The following SCNN1A variants were observed in gnomAD, a reference collection of about 807,000 sequenced individuals.
SCNN1A encodes the protein epithelial sodium channel subunit alpha.
Under a neutral mutation model 68.6 loss-of-function variants are expected in SCNN1A, and 65 were observed. The observed-to-expected ratio is 0.95, with a 90% CI of 0.78 to 1.16. SCNN1A has a LOEUF of 1.16. Among genes scored for constraint, SCNN1A ranks in the 50% most tolerant of loss-of-function variants. The pLI, the probability that SCNN1A is intolerant of heterozygous loss-of-function variation, is 0.00. For synonymous variants in SCNN1A, 357 were observed against 353.3 expected (o/e 1.01, Z -0.12); for missense variants, 880 against 865.9 (o/e 1.02, Z -0.20).
At chr12:6,376,254 C>A, upstream of SCNN1A, 1 of 912,804 alleles carries the variant, frequency 1.1e-6, no homozygotes, top group Non-Finnish European at 1.3e-6. Context: ...TTCCTCGCCA[C>A]CCCCTCCAAC....
chr12:6,356,720 G>A (rs530355708), intron 4 of SCNN1A, among the ~76,000 whole-genome samples: 1 of 152,294 alleles, frequency 6.6e-6, no homozygotes, highest in South Asian at 2.1e-4. Flanking sequence ...GGCTGTGTGG[G>A]TTGTAGCACA....
At chr12:6,349,246 T>C (rs779322908) in intron 9 of SCNN1A, 25 bp from the exon 10 acceptor site, 3 of 1,613,970 alleles carry the variant, frequency 1.9e-6, no homozygotes, top group African/African-American at 1.3e-5. Context: ...AGGTGCTCAG[T>C]GTTGGGGCAG....
rs1261370822 is a variant in SCNN1A, at chr12:6,355,765, G to A, written c.979+12C>T. On this transcript the variant is annotated intron_variant, in intron 5 of 12. Transcript: ENST00000228916. ...GCAGAGGGCGCCATGGAGCAAGCAG[G>A]GAGCTTCTCACCGTTGTTGATTCCA... 3 of 1,571,890 alleles carry A rather than the reference G, an allele frequency of 1.9e-6. No individual in the cohort carries two copies. Among genetic ancestry groups the A allele is most frequent in the Admixed American group, 1.7e-5 (1 of 59,970 alleles).
intron 1 of SCNN1A, 34 bp downstream of exon 1, chr12:6,375,471 T>A (rs1192935338): frequency 3.6e-5 from 55 of 1,535,374 alleles, no homozygotes; most frequent in Non-Finnish European, 4.6e-5. Context: ...CCTTTCCAGT[T>A]GAATCTGGCA....
intron 8 of SCNN1A, among the ~76,000 whole-genome samples, chr12:6,350,941 T>C (rs1333014608): frequency 6.6e-6 from 1 of 152,232 alleles, no homozygotes; most frequent in Non-Finnish European, 1.5e-5. Context: ...ATACTGCTGC[T>C]AGGGATGTAC....
intron 2 of SCNN1A, among the ~76,000 whole-genome samples, chr12:6,369,419 C>T (rs1290231099): frequency 6.6e-6 from 1 of 152,166 alleles, no homozygotes. Context: ...ACAGCCTGGG[C>T]TCCCAGCCCT....
chr12:6,355,233 T>C, intron 6 of SCNN1A, 39 bp downstream of exon 6: 1 of 1,598,966 alleles, frequency 6.3e-7, no homozygotes, highest in Non-Finnish European at 8.5e-7. Flanking sequence ...CTCTGCAATC[T>C]GAGGCGCTCC....
intron 5 of SCNN1A, 146 bp from the exon 6 acceptor site, chr12:6,355,581 C>A: frequency 9.3e-7 from 1 of 1,071,938 alleles, no homozygotes; most frequent in South Asian, 1.4e-5. Flanking sequence ...ACCTGGCAAC[C>A]CCTGAGCTGG....
rs763151595 is a variant in SCNN1A at position 6,374,475 on chromosome 12, G to A, written c.309C>T (p.Gly103=). 1.2e-6 allele frequency: 2 copies of A among 1,614,242 alleles called. No homozygotes were observed. The highest frequency in any genetic ancestry group is 1.7e-6 in the Non-Finnish European group (2 of 1,180,038). Residue 103 remains glycine, a synonymous_variant, in exon 2 of 13, where the codon GGC becomes GGT. Transcript: ENST00000228916. The surrounding 1 kb of genome is among the most constrained non-coding windows in gnomAD (Gnocchi z 6.2). The part of the protein sequence containing the change: ...CTFGMMYWQF[G]LLFGEYFSYP... Reference sequence around the variant, plus strand: ...AGCTGAAGTACTCTCCGAAAAGCAGGCCGAATTGCCAGTACATCATGCCAA... The same window carrying A: ...AGCTGAAGTACTCTCCGAAAAGCAGACCGAATTGCCAGTACATCATGCCAA...
At chr12:6,373,654 T>C (rs72645123) in intron 2 of SCNN1A, among the ~76,000 whole-genome samples, 5 of 152,298 alleles carry the variant, frequency 3.3e-5, no homozygotes, top group African/African-American at 1.2e-4. Flanking sequence ...AGAGCACCGA[T>C]GAAACCCAAA....
rs1948393485 is a variant in SCNN1A, at chr12:6,351,836, T to C, written c.1361-2431A>G. Among the ~76,000 whole-genome samples the C allele has an allele frequency of 6.6e-6, 1 of 152,068 alleles. No homozygotes were observed. Among genetic ancestry groups the C allele is most frequent in the African/African-American group, 2.4e-5 (1 of 41,432 alleles). On this transcript the variant is annotated intron_variant, in intron 8 of 12. Transcript: ENST00000228916. This position sits in a 1 kb window ranked among gnomAD's most constrained non-coding sequence, Gnocchi z 4.2. ...GTGCAGTGGCCTGATCATGGCTCAC[T>C]GCAGCCTTGACCTCCTGGGCTCAGG... is the stretch of plus-strand genomic sequence containing the variant.
At chr12:6,373,386 A>G (rs758051210) in intron 2 of SCNN1A, among the ~76,000 whole-genome samples, 39 of 152,304 alleles carry the variant, frequency 2.6e-4, no homozygotes, top group Non-Finnish European at 4.6e-4. Context: ...TTACTGGCTT[A>G]TATGCCTGTC....
upstream of SCNN1A, chr12:6,377,274 C>A: frequency 1.3e-6 from 2 of 1,550,736 alleles, no homozygotes; most frequent in South Asian, 2.4e-5. Context: ...CATGATACCT[C>A]CCCTTGGAAG....
At chr12:6,367,313 G>T (rs1948697113) in intron 2 of SCNN1A, among the ~76,000 whole-genome samples, 1 of 152,212 alleles carries the variant, frequency 6.6e-6, no homozygotes, top group Non-Finnish European at 1.5e-5. Flanking sequence ...TATGGTATTA[G>T]AATGTGCATT....
intron 2 of SCNN1A, among the ~76,000 whole-genome samples, chr12:6,371,267 C>T (rs1948784568): frequency 6.6e-6 from 1 of 151,816 alleles, no homozygotes; most frequent in Non-Finnish European, 1.5e-5. Flanking sequence ...CACAGGGGCT[C>T]ATTAACCTGT....
At chr12:6,367,999 G>A (rs1191371335) in intron 2 of SCNN1A, among the ~76,000 whole-genome samples, 2 of 152,188 alleles carry the variant, frequency 1.3e-5, no homozygotes, top group African/African-American at 4.8e-5. Context: ...TGTAGCTCTG[G>A]TTGAAGGTGT....
At chr12:6,365,494 G>T (rs535083324) in intron 2 of SCNN1A, among the ~76,000 whole-genome samples, 10 of 152,314 alleles carry the variant, frequency 6.6e-5, no homozygotes, top group South Asian at 4.1e-4. Context: ...GCGGTTCTTG[G>T]TAAGGAGAGA....
At chr12:6,367,934 T>G (rs1249924380) in intron 2 of SCNN1A, among the ~76,000 whole-genome samples, 2 of 152,244 alleles carry the variant, frequency 1.3e-5, no homozygotes, top group African/African-American at 2.4e-5. Flanking sequence ...AAAGTCTAGC[T>G]GGCTGGGCCT....
At chr12:6,363,092 G>A (rs899360581) in intron 3 of SCNN1A, among the ~76,000 whole-genome samples, 7 of 146,028 alleles carry the variant, frequency 4.8e-5, no homozygotes, top group African/African-American at 1.0e-4. Flanking sequence ...CTGGAATTCA[G>A]AAAGTTGCAT....
Sources: gnomAD v4.1 joint callset for allele counts (sites outside exome capture counted in the v4.1 genomes callset) on GRCh38, gnomAD v4.1.1 for gene constraint, Gnocchi (gnomAD v3.1) non-coding constraint, MANE v1.5 for transcripts, NCBI Gene and HGNC (gene_info 2026-07-23, HGNC 2026-07-21) for gene names.